SH3TC1: variants seen among roughly 807,000 people sequenced by gnomAD.
SH3TC1 encodes SH3 domain and tetratricopeptide repeats 1.
Under a neutral mutation model 117.3 loss-of-function variants are expected in SH3TC1, and 135 were observed. That is an observed-to-expected ratio of 1.15 (90% CI 1.00 to 1.33). The LOEUF (loss-of-function observed/expected upper bound fraction) is 1.33, where lower values mean the gene tolerates loss of function less well. Ranked by LOEUF, SH3TC1 falls within the 40% of genes most tolerant of loss-of-function variation. The probability of loss-of-function intolerance (pLI) is 0.00; values close to 1 mark genes in which losing one functional copy is unlikely to be tolerated. For synonymous variants in SH3TC1, 898 were observed against 816.9 expected (o/e 1.10, Z -1.69); for missense variants, 2,092 against 1,794.3 (o/e 1.17, Z -3.00).
rs141751444 is a variant in SH3TC1 at position 8,233,430 on chromosome 4, G to C, written c.3199G>C (p.Glu1067Gln). The C allele has an allele frequency of 6.2e-7, 1 of 1,613,978 alleles. No homozygotes were observed. Residue 1067 changes from glutamate to glutamine, a missense_variant, in exon 14 of 18, where the codon GAG becomes CAG. Physicochemically the swap from Glu to Gln is conservative, Grantham distance 29 (BLOSUM62 2). Transcript: ENST00000245105. Reference sequence around the variant, plus strand: ...GATTTTCATTGACCTCCAGAAGAAAGAGAAGGAGGCGCATGCCTGGCTGCA... The same window carrying C: ...GATTTTCATTGACCTCCAGAAGAAACAGAAGGAGGCGCATGCCTGGCTGCA... Reference protein sequence around the residue: ...LGIFIDLQKKEKEAHAWLQAG... With the variant: ...LGIFIDLQKKQKEAHAWLQAG...
upstream of SH3TC1, among the ~76,000 whole-genome samples, chr4:8,198,164 C>G (rs192921607): frequency 1.1e-4 from 17 of 152,272 alleles, no homozygotes; most frequent in East Asian, 3.1e-3. Context: ...GGTTGAAAAG[C>G]CCAGCCCTAA....
At chr4:8,214,235 G>A (rs953637613) in intron 4 of SH3TC1, among the ~76,000 whole-genome samples, 1 of 152,064 alleles carries the variant, frequency 6.6e-6, no homozygotes, top group African/African-American at 2.4e-5. Context: ...AGGAGCCAGG[G>A]CATGGGGGCC....
chr4:8,185,024 T>C (rs1287921213), intron 1 of SH3TC1, among the ~76,000 whole-genome samples: 2 of 152,046 alleles, frequency 1.3e-5, no homozygotes, highest in African/African-American at 4.8e-5. Flanking sequence ...TGTTCTTTTT[T>C]TTTTTTTTCT....
chr4:8,198,130 G>A (rs972615163), upstream of SH3TC1, among the ~76,000 whole-genome samples: 11 of 152,212 alleles, frequency 7.2e-5, no homozygotes, highest in South Asian at 4.2e-4. Context: ...AGAAGGATGC[G>A]GCCCCAAATG....
intron 5 of SH3TC1, 149 bp from the exon 6 acceptor site, chr4:8,215,962 A>T (rs1719225442): frequency 1.0e-6 from 1 of 976,062 alleles, no homozygotes; most frequent in African/African-American, 1.6e-5. Flanking sequence ...TGTAGCCAGC[A>T]CTGTGGGCAC....
intron 17 of SH3TC1, among the ~76,000 whole-genome samples, chr4:8,238,207 G>A (rs1009649669): frequency 1.3e-5 from 2 of 152,170 alleles, no homozygotes; most frequent in South Asian, 2.1e-4. Context: ...AGGGTGGGGC[G>A]GGGCCGGTGT....
chr4:8,189,398 C>T (rs551257457), intron 1 of SH3TC1, among the ~76,000 whole-genome samples: 39 of 152,340 alleles, frequency 2.6e-4, no homozygotes, highest in African/African-American at 7.9e-4. Context: ...AAGGGCTGGC[C>T]GGGCCGGCGG....
chr4:8,182,190 C>T (rs1444393056), exon 1 of SH3TC1: 1 of 152,642 alleles, frequency 6.6e-6, no homozygotes, highest in Non-Finnish European at 1.5e-5. Flanking sequence ...TCCAGCCTCC[C>T]CTCTTCCCTT....
At position 8,186,397 on chromosome 4, in the gene SH3TC1, G is replaced by A. The variant is rs1020185531; in HGVS notation, c.-57+4187G>A. 8.5e-5 allele frequency among the ~76,000 whole-genome samples: 13 copies of A among 152,206 alleles called. No homozygotes were observed. The highest frequency in any genetic ancestry group is 1.2e-4 in the African/African-American group (5 of 41,456). On this transcript the variant is annotated intron_variant, in intron 1 of 16. Transcript: ENST00000508641. This position sits in a 1 kb window ranked among gnomAD's most constrained non-coding sequence, Gnocchi z 5.2. Reference sequence around the variant, plus strand: ...AAAAGACGAGGTGATGAAACCAGACGTGGTGTCCCCCATGGGCTTCTGCGT... The same window carrying A: ...AAAAGACGAGGTGATGAAACCAGACATGGTGTCCCCCATGGGCTTCTGCGT...
chr4:8,240,761 A>G lies in SH3TC1; in HGVS notation c.3817A>G (p.Lys1273Glu). 1.2e-6 allele frequency: 2 copies of G among 1,602,258 alleles called. No individual in the cohort carries two copies. Among genetic ancestry groups the G allele is most frequent in the Non-Finnish European group, 1.7e-6 (2 of 1,175,122 alleles). Residue 1273 changes from lysine (K) to glutamate (E), a missense_variant, in exon 18 of 18, where the codon AAG (lysine) becomes GAG (glutamate). Coordinates refer to ENST00000245105, the MANE Select transcript of SH3TC1 (RefSeq NM_018986.5). ...GGCAGCCGCCGTGGACCTGGGCAAC[A>G]AGAAGGCACAGCTGAAGATCTACAC... is the stretch of plus-strand genomic sequence containing the variant. The part of the protein sequence containing the change: ...ALAAAVDLGN[K>E]KAQLKIYTRL...
At position 8,192,782 on chromosome 4, in the gene SH3TC1, G is replaced by C. The variant is rs1311337082; in HGVS notation, c.-57+10572G>C. Among the ~76,000 whole-genome samples the C allele has an allele frequency of 1.3e-5, 2 of 152,180 alleles. No individual in the cohort carries two copies. The highest frequency in any genetic ancestry group is 2.9e-5 in the Non-Finnish European group (2 of 68,046). Reference sequence around the variant, plus strand: ...GCTGGGATTACAGGCGTGAGCCACGGTGCCCGGCCCACTTGTCTTTATTTG... The same window carrying C: ...GCTGGGATTACAGGCGTGAGCCACGCTGCCCGGCCCACTTGTCTTTATTTG... On this transcript the variant is annotated intron_variant, in intron 1 of 16. Transcript: ENST00000508641. The surrounding 1 kb of genome is among the most constrained non-coding windows in gnomAD (Gnocchi z 4.1).
rs776632069 is a variant in SH3TC1, at chr4:8,237,598, G to A, written c.3681G>A (p.Glu1227=). The change falls in exon 17 of 18, where the codon GAG becomes GAA. Residue 1227 remains glutamate (E), a synonymous_variant. Transcript: ENST00000245105. ...KALSLCNSPL[E]FDEETLYYVK... ...TGTCGCTCTGCAACTCGCCGCTGGA[G>A]TTTGACGAGGAGACCCTCTACTACG... The A allele has an allele frequency of 1.9e-6, 3 of 1,612,458 alleles. No individual in the cohort carries two copies. Among genetic ancestry groups the A allele is most frequent in the Admixed American group, 3.3e-5 (2 of 59,920 alleles).
rs531562709 is a variant in SH3TC1, at chr4:8,185,323, C to T, written c.-57+3113C>T. ...TACACTACAGCCTGGGCAACAAGAGCGAAACTCCGTCTCAAAAAAAACAAA... is the reference window on the plus strand; with the variant it reads ...TACACTACAGCCTGGGCAACAAGAGTGAAACTCCGTCTCAAAAAAAACAAA... On this transcript the variant is annotated intron_variant, in intron 1 of 16. Coordinates refer to the SH3TC1 transcript ENST00000508641. Among the ~76,000 whole-genome samples the T allele has an allele frequency of 1.6e-4, 24 of 151,956 alleles. No individual in the cohort carries two copies. The South Asian group carries it at 3.5e-3, about 22-fold the overall frequency.
intron 1 of SH3TC1, among the ~76,000 whole-genome samples, chr4:8,188,698 C>T (rs1717305978): frequency 1.3e-5 from 2 of 152,332 alleles, no homozygotes; most frequent in South Asian, 2.1e-4. Flanking sequence ...GGGGAGACCC[C>T]GGGACCCACA....
chr4:8,237,057 G>T (rs374003441), intron 16 of SH3TC1: 43 of 184,986 alleles, frequency 2.3e-4, no homozygotes, highest in African/African-American at 8.9e-4. Context: ...TCTGTGGGGG[G>T]ACCTGGAGCT....
At chr4:8,238,365 C>T (rs1207518671) in intron 17 of SH3TC1, among the ~76,000 whole-genome samples, 4 of 152,194 alleles carry the variant, frequency 2.6e-5, no homozygotes, top group Admixed American at 2.6e-4. Context: ...CCCAGCCCTG[C>T]AGGGGTGGAG....
rs575073324 is a variant in SH3TC1, at chr4:8,183,132, C to A, written c.-57+922C>A. Among the ~76,000 whole-genome samples, 28 of 152,274 alleles carry A rather than the reference C, an allele frequency of 1.8e-4. No homozygotes were observed. Among genetic ancestry groups the A allele is most frequent in the African/African-American group, 6.0e-4 (25 of 41,550 alleles). On this transcript the variant is annotated intron_variant, in intron 1 of 16. Transcript: ENST00000508641. The surrounding 1 kb of genome is among the most constrained non-coding windows in gnomAD (Gnocchi z 5.4). Reference sequence around the variant, plus strand: ...GTTTCTCAGCATGCCATCCGCCTGGCGACCTTGCCTCCCTCTCCCGCTGGG... The same window carrying A: ...GTTTCTCAGCATGCCATCCGCCTGGAGACCTTGCCTCCCTCTCCCGCTGGG...
In SH3TC1 at chr4:8,228,030, G is replaced by T; in HGVS notation, c.2336G>T (p.Gly779Val). 2.5e-6 allele frequency: 4 copies of T among 1,610,108 alleles called. No homozygotes were observed. The highest frequency in any genetic ancestry group is 3.4e-6 in the Non-Finnish European group (4 of 1,178,258). Reference protein sequence around the residue: ...LRQALASLTPGTGQALRGPLY... With the variant: ...LRQALASLTPVTGQALRGPLY... ...CAAGCGCTGGCCTCCCTGACCCCGG[G>T]CACAGGCCAGGCGCTGCGCGGCCCC... The change falls in exon 12 of 18, where the codon GGC becomes GTC. Residue 779 changes from glycine (G) to valine (V), a missense_variant. Transcript: ENST00000245105.
rs148598821 is a variant in SH3TC1, at chr4:8,240,866, G to A, written c.3922G>A (p.Ala1308Thr). ...LFFYQKARTF[A>T]TELNVRRVNL... ...CTTCTACCAGAAGGCCAGGACCTTC[G>A]CCACAGAGCTCAACGTCCGCAGGGT... The change falls in exon 18 of 18, where the codon GCC (alanine) becomes ACC (threonine). Residue 1308 changes from alanine (A) to threonine (T), a missense_variant. Coordinates refer to ENST00000245105, the MANE Select transcript of SH3TC1 (RefSeq NM_018986.5). The A allele has an allele frequency of 4.2e-4, 670 of 1,613,686 alleles. 2 individuals carry two copies. The highest frequency in any genetic ancestry group is 5.4e-4 in the Non-Finnish European group (639 of 1,180,032).
Sources: gnomAD v4.1 joint callset for allele counts (sites outside exome capture counted in the v4.1 genomes callset) on GRCh38, gnomAD v4.1.1 for gene constraint, Gnocchi (gnomAD v3.1) non-coding constraint, MANE v1.5 for transcripts, NCBI Gene and HGNC (gene_info 2026-07-23, HGNC 2026-07-21) for gene names.